Variants in LDB3 observed in about 807,000 individuals in gnomAD.
LDB3 encodes LIM domain-binding protein 3.
Under a neutral mutation model 69.0 loss-of-function variants are expected in LDB3, and 49 were observed. That is an observed-to-expected ratio of 0.71 (90% CI 0.56 to 0.90). LDB3 has a LOEUF of 0.90. Ranked by LOEUF, LDB3 falls within the 40% of genes least tolerant of loss-of-function variation. LDB3 has a pLI of 0.00. For synonymous variants in LDB3, 387 were observed against 396.2 expected (o/e 0.98, Z 0.28); for missense variants, 928 against 974.1 (o/e 0.95, Z 0.63).
intron 12 of LDB3, among the ~76,000 whole-genome samples, chr10:86,724,602 C>CA (rs200011805): frequency 0.014 from 1,824 of 133,888 alleles, 34 homozygotes; most frequent in African/African-American, 0.048. Context: ...GACTCCGTCG[C>CA]AAAAAAAAAT....
In LDB3 at chr10:86,716,530, G is replaced by A. The variant is rs370521488; in HGVS notation, c.1435G>A (p.Gly479Arg). 103 of 1,612,578 alleles carry A rather than the reference G, an allele frequency of 6.4e-5. No homozygotes were observed. The highest frequency in any genetic ancestry group is 7.7e-5 in the Non-Finnish European group (91 of 1,179,752). The change falls in exon 10 of 14, where the codon GGG (glycine) becomes AGG (arginine). Residue 479 changes from glycine to arginine, a missense_variant. Physicochemically the swap from Gly to Arg is moderately radical, Grantham distance 125. Coordinates refer to ENST00000361373, the MANE Select transcript of LDB3 (RefSeq NM_007078.3). ...CCCTGCACCCTCGGTGGCCTACAGCGGGGGCCCTGCGGAGCCTGCCAGCCG... is the reference window on the plus strand; with the variant it reads ...CCCTGCACCCTCGGTGGCCTACAGCAGGGGCCCTGCGGAGCCTGCCAGCCG... ...YNPAPSVAYS[G>R]GPAEPASRPP... is the part of the protein sequence containing the mutation.
At chr10:86,667,259 GACTC>G (rs1844219117), upstream of LDB3, among the ~76,000 whole-genome samples, 1 of 152,062 alleles carries the variant, frequency 6.6e-6, no homozygotes, top group South Asian at 2.1e-4. Flanking sequence ...GCTGAGAAAT[GACTC>G]ACACCCAGGC....
At chr10:86,683,213 T>C (rs1415552415) in intron 5 of LDB3, among the ~76,000 whole-genome samples, 1 of 152,142 alleles carries the variant, frequency 6.6e-6, no homozygotes, top group Non-Finnish European at 1.5e-5. Context: ...CCACCTGCAA[T>C]GATGATAATG....
chr10:86,705,171 G>A (rs1270239658), intron 7 of LDB3, among the ~76,000 whole-genome samples: 1 of 152,172 alleles, frequency 6.6e-6, no homozygotes, highest in Non-Finnish European at 1.5e-5. Flanking sequence ...ACCGGTTAAG[G>A]ATTCAAATCA....
Position 86,681,507 on chromosome 10 carries a change from C to A in LDB3, c.393C>A (p.Gly131=), listed in dbSNP as rs779804488. ...GCCCTGAGGCGAGGGCCAGCCCAGGCACCCCAGGCACCCCGGAGCTCAGGC... is the reference window on the plus strand; with the variant it reads ...GCCCTGAGGCGAGGGCCAGCCCAGGAACCCCAGGCACCCCGGAGCTCAGGC... ...SPSPEARASP[G]TPGTPELRPT... Residue 131 remains glycine, a synonymous_variant, in exon 5 of 14, where the codon GGC becomes GGA. Transcript: ENST00000361373. The A allele has an allele frequency of 3.1e-6, 5 of 1,611,252 alleles. No individual in the cohort carries two copies. In the Admixed American group the frequency reaches 8.3e-5, roughly 27 times the overall value.
At chr10:86,695,778 A>G (rs1845968800) in intron 7 of LDB3, among the ~76,000 whole-genome samples, 1 of 152,164 alleles carries the variant, frequency 6.6e-6, no homozygotes, top group African/African-American at 2.4e-5. Flanking sequence ...TCAGATCCAC[A>G]TTGGGCAGCC....
intron 12 of LDB3, among the ~76,000 whole-genome samples, chr10:86,723,925 A>G (rs73346118): frequency 0.015 from 2,348 of 152,300 alleles, 60 homozygotes; most frequent in African/African-American, 0.054. Flanking sequence ...AAAGCCATAG[A>G]AGGAGGATGA....
intron 8 of LDB3, among the ~76,000 whole-genome samples, chr10:86,707,001 A>G (rs1846470672): frequency 6.6e-6 from 1 of 152,140 alleles, no homozygotes; most frequent in Non-Finnish European, 1.5e-5. Flanking sequence ...CCAGTGAGAG[A>G]GGTAACAGTC....
At position 86,735,094 on chromosome 10, in the gene LDB3, C is replaced by T. The variant is rs998358852; in HGVS notation, c.*2118C>T. On this transcript the variant is annotated 3_prime_UTR_variant, in exon 14 of 14. Transcript: ENST00000361373. The stretch of plus-strand genomic sequence containing the variant: ...ACACACACACACACACACACACACA[C>T]ACACACGATCATTAAAAAGTGTATG... The T allele has an allele frequency of 6.8e-6, 1 of 148,036 alleles. No homozygotes were observed. The highest frequency in any genetic ancestry group is 2.0e-4 in the East Asian group (1 of 5,076). The allele number at this position is 148,036 out of a possible 1,614,324, so 9.2% of individuals were successfully genotyped here. A position where few individuals can be genotyped will look rare whatever the true frequency, so the allele number is the denominator to read the frequency against.
At chr10:86,712,706 T>G (rs1846713132) in intron 9 of LDB3, among the ~76,000 whole-genome samples, 1 of 152,228 alleles carries the variant, frequency 6.6e-6, no homozygotes, top group Non-Finnish European at 1.5e-5. Context: ...TAGCCACATT[T>G]TTAAAAAATA....
chr10:86,699,336 C>G lies in LDB3; in HGVS notation c.896+6765C>G. ...TTTTGCCAAATTGCGCAACTGGCAC[C>G]ATGGCCTTTCAGCCCAAATCCTTAA... is the stretch of plus-strand genomic sequence containing the variant. On this transcript the variant is annotated intron_variant, in intron 7 of 13. Transcript: ENST00000361373. The surrounding 1 kb of genome is among the most constrained non-coding windows in gnomAD (Gnocchi z 4.9). 6.2e-7 allele frequency: 1 copy of G among 1,613,962 alleles called. No individual in the cohort carries two copies.
chr10:86,683,659 G>A (rs917347368), intron 5 of LDB3, among the ~76,000 whole-genome samples: 4 of 152,238 alleles, frequency 2.6e-5, no homozygotes, highest in Non-Finnish European at 4.4e-5. Context: ...TGTGCAGTGG[G>A]TGCTTCATCC....
intron 7 of LDB3, among the ~76,000 whole-genome samples, chr10:86,697,177 A>C (rs1846033307): frequency 6.6e-6 from 1 of 150,544 alleles, no homozygotes; most frequent in Admixed American, 6.6e-5. Context: ...TCAAAGACTT[A>C]AAGTTGCTCT....
chr10:86,668,742 G>T lies in LDB3; in HGVS notation c.51G>T (p.Leu17=). The change falls in exon 2 of 14, where the codon CTG becomes CTT. Residue 17 remains leucine, a synonymous_variant. Transcript: ENST00000361373. ...GGCCCGGGCCCTGGGGCTTCCGTCT[G>T]CAGGGGGGCAAGGACTTCAACATGC... is the stretch of plus-strand genomic sequence containing the variant. The part of the protein sequence containing the change: ...LTGPGPWGFR[L]QGGKDFNMPL... 1 of 1,613,352 alleles carries T rather than the reference G, an allele frequency of 6.2e-7. No individual in the cohort carries two copies. Among genetic ancestry groups the T allele is most frequent in the Non-Finnish European group, 8.5e-7 (1 of 1,180,006 alleles).
At chr10:86,680,229 T>A in intron 4 of LDB3, 72 bp downstream of exon 4, 1 of 1,418,552 alleles carries the variant, frequency 7.0e-7, no homozygotes, top group Non-Finnish European at 9.9e-7. Flanking sequence ...CCAGCCTGCC[T>A]GGTCTTTGGC....
chr10:86,695,831 C>T (rs752454310), intron 7 of LDB3, among the ~76,000 whole-genome samples: 2 of 152,162 alleles, frequency 1.3e-5, no homozygotes, highest in African/African-American at 4.8e-5. Flanking sequence ...CTTGGATCTG[C>T]GAGGCATCTG....
intron 7 of LDB3, among the ~76,000 whole-genome samples, chr10:86,705,809 C>A (rs970557249): frequency 5.3e-5 from 8 of 152,240 alleles, no homozygotes; most frequent in Non-Finnish European, 8.8e-5. Context: ...CACACAGAGG[C>A]ATGGGGATCT....
At chr10:86,698,656 G>T (rs1327781557) in intron 7 of LDB3, among the ~76,000 whole-genome samples, 1 of 152,186 alleles carries the variant, frequency 6.6e-6, no homozygotes, top group Non-Finnish European at 1.5e-5. Context: ...AGTATGTGTG[G>T]GTATGCACGC....
At chr10:86,703,979 T>C (rs557221186) in intron 7 of LDB3, among the ~76,000 whole-genome samples, 1 of 152,124 alleles carries the variant, frequency 6.6e-6, no homozygotes, top group African/African-American at 2.4e-5. Flanking sequence ...CCAGGCATGG[T>C]GGCTCATGCC....
Sources: gnomAD v4.1 joint callset for allele counts (sites outside exome capture counted in the v4.1 genomes callset) on GRCh38, gnomAD v4.1.1 for gene constraint, Gnocchi (gnomAD v3.1) non-coding constraint, MANE v1.5 for transcripts, NCBI Gene and HGNC (gene_info 2026-07-23, HGNC 2026-07-21) for gene names.